The following CDON variants were observed in gnomAD, a reference collection of about 807,000 sequenced individuals.
CDON encodes the protein cell adhesion associated, oncogene regulated.
Under a neutral mutation model 120.9 loss-of-function variants are expected in CDON, and 73 were observed. That is an observed-to-expected ratio of 0.60 (90% CI 0.50 to 0.73). The LOEUF is 0.73. Ranked by LOEUF, CDON falls within the 30% of genes least tolerant of loss-of-function variation. The pLI is 0.00. For missense variants in CDON, 1,470 were observed against 1,587.3 expected (o/e 0.93, Z 1.26); for synonymous variants, 566 against 573.5 (o/e 0.99, Z 0.19).
At chr11:126,062,322 G>C (rs1447598355) in intron 1 of CDON, among the ~76,000 whole-genome samples, 1 of 152,066 alleles carries the variant, frequency 6.6e-6, no homozygotes, top group African/African-American at 2.4e-5. Flanking sequence ...AAGAGGTTTC[G>C]TCGTGTCACT....
rs116357663 is a variant in CDON, at chr11:126,025,756, G to C, written c.-61-2219C>G. ...TTATTGAATGCTTATCATATGCTAAGACTATCCTAGGAGGTGGGAATTGAG... is the reference window on the plus strand; with the variant it reads ...TTATTGAATGCTTATCATATGCTAACACTATCCTAGGAGGTGGGAATTGAG... On this transcript the variant is annotated intron_variant, in intron 1 of 19. Transcript: ENST00000531738. 7.9e-3 allele frequency among the ~76,000 whole-genome samples: 1,196 copies of C among 151,700 alleles called. 23 individuals carry two copies. Among genetic ancestry groups the C allele is most frequent in the African/African-American group, 0.028 (1,134 of 41,072 alleles).
rs1007492616 is a variant in CDON, at chr11:125,957,987, CACAGT to C, written c.*2950_*2954del. The C allele has an allele frequency of 2.6e-5, 4 of 152,288 alleles. No individual in the cohort carries two copies. The highest frequency in any genetic ancestry group is 9.6e-5 in the African/African-American group (4 of 41,560). 9.4% of individuals were successfully genotyped at this position (152,288 alleles called of 1,614,324 possible). ...CTTGACCAATTTCGTGATCACTGAG[CACAGT>C]AAAGATCAAATTTCCAGGTGGAGGT... On this transcript the variant is annotated 3_prime_UTR_variant, in exon 20 of 20. Coordinates refer to ENST00000531738, the MANE Select transcript of CDON (RefSeq NM_001378964.1).
At chr11:125,973,016 G>GTTTTTTTTTTTTTTTT (rs1946046616) in intron 18 of CDON, among the ~76,000 whole-genome samples, 1 of 70,644 alleles carries the variant, frequency 1.4e-5, no homozygotes, top group African/African-American at 5.6e-5. Context: ...CAATTACTTG[G>GTTTTTTTTTTTTTTTT]TCTTTTTTTT....
chr11:126,005,028 C>T (rs1472345765), intron 9 of CDON, among the ~76,000 whole-genome samples: 1 of 152,194 alleles, frequency 6.6e-6, no homozygotes, highest in Non-Finnish European at 1.5e-5. Context: ...AAGCTGGGCA[C>T]AGTGGCTCAT....
chr11:125,957,574 T>C lies in CDON; in HGVS notation c.*3368A>G, dbSNP rs1285906787. On this transcript the variant is annotated 3_prime_UTR_variant, in exon 20 of 20. Transcript: ENST00000531738. The stretch of plus-strand genomic sequence containing the variant: ...TTACAACTTTAAGGAAAATAAAACA[T>C]ACTTTTCAATATGATACAAAGCATG... 1.3e-5 allele frequency: 2 copies of C among 152,312 alleles called. No individual in the cohort carries two copies. The highest frequency in any genetic ancestry group is 2.9e-5 in the Non-Finnish European group (2 of 68,024). 9.4% of individuals were successfully genotyped at this position (152,312 alleles called of 1,614,324 possible). A position where few individuals can be genotyped will look rare whatever the true frequency, so the allele number is the denominator to read the frequency against.
At chr11:125,970,198 C>G (rs1175340760) in intron 18 of CDON, among the ~76,000 whole-genome samples, 1 of 123,148 alleles carries the variant, frequency 8.1e-6, no homozygotes, top group South Asian at 2.7e-4. Context: ...TTTTTTGAGA[C>G]AGAGTCTTGC....
intron 4 of CDON, among the ~76,000 whole-genome samples, chr11:126,018,829 C>G: frequency 6.6e-6 from 1 of 152,198 alleles, no homozygotes; most frequent in Non-Finnish European, 1.5e-5. Flanking sequence ...CTCAACTTCC[C>G]AAAGTGCTGG....
In CDON at chr11:125,960,939, T is replaced by A. The variant is rs762463991; in HGVS notation, c.*3A>T. On this transcript the variant is annotated 3_prime_UTR_variant, in exon 20 of 20. Transcript: ENST00000531738. Reference sequence around the variant, plus strand: ...TGGAACATGACTGGTTGTTTGCATGTCCTCAGGTTTCCCGGGGCTGCTGAA... The same window carrying A: ...TGGAACATGACTGGTTGTTTGCATGACCTCAGGTTTCCCGGGGCTGCTGAA... The A allele has an allele frequency of 3.1e-6, 5 of 1,613,884 alleles. No individual in the cohort carries two copies. The highest frequency in any genetic ancestry group is 4.2e-6 in the Non-Finnish European group (5 of 1,180,002).
At chr11:125,981,919 C>T (rs1373437627) in intron 16 of CDON, among the ~76,000 whole-genome samples, 1 of 146,076 alleles carries the variant, frequency 6.8e-6, no homozygotes, top group Non-Finnish European at 1.5e-5. Flanking sequence ...TTAGTCATTA[C>T]AGCCAATTTG....
At chr11:126,002,890 C>T (rs1448458838) in intron 10 of CDON, among the ~76,000 whole-genome samples, 2 of 152,172 alleles carry the variant, frequency 1.3e-5, no homozygotes, top group Non-Finnish European at 2.9e-5. Flanking sequence ...ATCACAGCAG[C>T]CCCATCGTGT....
At chr11:126,014,685 T>TA (rs1947408718) in intron 7 of CDON, 1 of 152,898 alleles carries the variant, frequency 6.5e-6, no homozygotes. Context: ...GTCAAATTGT[T>TA]ACAACTACAC....
intron 18 of CDON, among the ~76,000 whole-genome samples, chr11:125,969,296 AC>A (rs1437764621): frequency 1.1e-4 from 16 of 152,308 alleles, no homozygotes; most frequent in African/African-American, 3.8e-4. Context: ...CCACGCCTGG[AC>A]CGTGAAAACA....
intron 7 of CDON, among the ~76,000 whole-genome samples, chr11:126,011,763 TAA>T (rs1207750644): frequency 6.6e-6 from 1 of 152,240 alleles, no homozygotes; most frequent in Non-Finnish European, 1.5e-5. Context: ...AATGTCTTAT[TAA>T]AAAGTTTTAC....
At chr11:126,018,274 A>C in intron 5 of CDON, 56 bp downstream of exon 5, 1 of 1,569,922 alleles carries the variant, frequency 6.4e-7, no homozygotes, top group Non-Finnish European at 8.8e-7. Context: ...ATCATTGCCC[A>C]ACTTTTTATG....
In CDON at chr11:126,017,147, C is replaced by A; in HGVS notation, c.869G>T (p.Cys290Phe). 2 of 1,614,140 alleles carry A rather than the reference C, an allele frequency of 1.2e-6. No individual in the cohort carries two copies. The highest frequency in any genetic ancestry group is 1.7e-6 in the Non-Finnish European group (2 of 1,180,000). ...ATCTCCAGACTTGTTTCCCGCCATG[C>A]AGGAATAGTTTCCGGAGTCCGCCGG... ...VDPADSGNYS[C>F]MAGNKSGDVK... Residue 290 changes from cysteine to phenylalanine, a missense_variant, in exon 6 of 20, where the codon TGC (cysteine) becomes TTC (phenylalanine). Coordinates refer to ENST00000531738, the MANE Select transcript of CDON (RefSeq NM_001378964.1).
At chr11:126,005,307 AAAAAAAAAAAACAAACAAACAAAC>A (rs1435049367) in intron 9 of CDON, 17 of 29,456 alleles carry the variant, frequency 5.8e-4, no homozygotes, top group South Asian at 1.9e-3. Flanking sequence ...GTCTCAAAAA[AAAAAAAAAAAACAAACAAACAAAC>A]AAAAAAAAAC....
chr11:125,993,122 A>AC (rs1194015498), intron 14 of CDON, among the ~76,000 whole-genome samples: 1 of 152,160 alleles, frequency 6.6e-6, no homozygotes, highest in Non-Finnish European at 1.5e-5. Flanking sequence ...TCCACATAAC[A>AC]GTCCGTAAAT....
At chr11:125,967,893 AT>A (rs903592365) in intron 18 of CDON, among the ~76,000 whole-genome samples, 2 of 151,890 alleles carry the variant, frequency 1.3e-5, no homozygotes, top group African/African-American at 2.4e-5. Context: ...AAATTTTTAA[AT>A]TTTTTTTGTA....
At chr11:126,023,845 A>G (rs568990525) in intron 1 of CDON, among the ~76,000 whole-genome samples, 7 of 152,366 alleles carry the variant, frequency 4.6e-5, no homozygotes, top group Non-Finnish European at 7.3e-5. Flanking sequence ...ACAAAACTCA[A>G]TGCAACCAAC....
Sources: allele counts gnomAD v4.1 joint callset (sites outside exome capture counted in the v4.1 genomes callset), GRCh38; gene constraint gnomAD v4.1.1; transcripts MANE v1.5; gene names NCBI Gene and HGNC (gene_info 2026-07-23, HGNC 2026-07-21).